The following ENTREP2 variants were observed in gnomAD, a reference collection of about 807,000 sequenced individuals.
ENTREP2 encodes protein ENTREP2.
the ENTREP2 span, among the ~76,000 whole-genome samples, chr15:29,357,128 G>A: frequency 1.3e-5 from 2 of 152,038 alleles, no homozygotes; most frequent in Non-Finnish European, 2.9e-5. Flanking sequence ...AATTGGTCAC[G>A]CATAAAAGAA....
the ENTREP2 span, among the ~76,000 whole-genome samples, chr15:29,448,470 A>G: frequency 2.0e-5 from 3 of 152,232 alleles, no homozygotes; most frequent in Admixed American, 6.5e-5. Context: ...AACCATGCCC[A>G]GGTCATAAAG....
the ENTREP2 span, among the ~76,000 whole-genome samples, chr15:29,154,417 G>T: frequency 0.14 from 21,993 of 151,710 alleles, 2,906 homozygotes; most frequent in African/African-American, 0.35. Context: ...GTGCAATATA[G>T]CCTTCATTGA....
At chr15:29,351,971 G>A in the ENTREP2 span, among the ~76,000 whole-genome samples, 1 of 151,500 alleles carries the variant, frequency 6.6e-6, no homozygotes, top group African/African-American at 2.4e-5. Flanking sequence ...GTCTTGCTAT[G>A]TTGCCCAGGC....
chr15:29,645,229 T>C, the ENTREP2 span, among the ~76,000 whole-genome samples: 1 of 152,140 alleles, frequency 6.6e-6, no homozygotes, highest in Admixed American at 6.5e-5. Context: ...CCAGGGATGA[T>C]GAGACGTGAG....
chr15:29,586,314 G>T, the ENTREP2 span, among the ~76,000 whole-genome samples: 1 of 152,104 alleles, frequency 6.6e-6, no homozygotes. Flanking sequence ...GAAGGAGGAG[G>T]AATGGGAATC....
At chr15:29,143,494 G>T in the ENTREP2 span, among the ~76,000 whole-genome samples, 4 of 152,310 alleles carry the variant, frequency 2.6e-5, no homozygotes, top group South Asian at 8.3e-4. Flanking sequence ...GGAGGTCAGG[G>T]CATGGCTGTC....
chr15:29,304,057 A>AT, the ENTREP2 span, among the ~76,000 whole-genome samples: 2 of 151,960 alleles, frequency 1.3e-5, no homozygotes, highest in Admixed American at 1.3e-4. Context: ...ATTTTTGTGT[A>AT]TTTTTAGTAG....
At chr15:29,136,183 G>A in the ENTREP2 span, among the ~76,000 whole-genome samples, 1 of 152,236 alleles carries the variant, frequency 6.6e-6, no homozygotes, top group Non-Finnish European at 1.5e-5. Context: ...CATCCCACAG[G>A]TTTGCTGAAA....
chr15:29,140,364 G>C, the ENTREP2 span, among the ~76,000 whole-genome samples: 2 of 152,250 alleles, frequency 1.3e-5, no homozygotes, highest in South Asian at 2.1e-4. Flanking sequence ...CCTCCTCCTC[G>C]CAGGAGCTTC....
At chr15:29,483,681 A>G in the ENTREP2 span, among the ~76,000 whole-genome samples, 3 of 152,322 alleles carry the variant, frequency 2.0e-5, no homozygotes, top group African/African-American at 7.2e-5. Context: ...CACTATCCTG[A>G]TTAAGTAAGT....
the ENTREP2 span, among the ~76,000 whole-genome samples, chr15:29,321,804 C>T: frequency 6.6e-6 from 1 of 151,838 alleles, no homozygotes; most frequent in African/African-American, 2.4e-5. Flanking sequence ...AGGGGAACAA[C>T]ACACACTGGG....
the ENTREP2 span, among the ~76,000 whole-genome samples, chr15:29,568,530 TC>T: frequency 4.7e-4 from 69 of 148,146 alleles, no homozygotes; most frequent in South Asian, 2.7e-3. Flanking sequence ...AGACCCCATC[TC>T]TTAAAAAAAA....
chr15:29,616,516 A>G, the ENTREP2 span, among the ~76,000 whole-genome samples: 6 of 152,200 alleles, frequency 3.9e-5, no homozygotes, highest in Non-Finnish European at 5.9e-5. Flanking sequence ...TTTGCTTCAC[A>G]AAATGTTAAC....
chr15:29,391,201 T>C, the ENTREP2 span, among the ~76,000 whole-genome samples: 3 of 151,924 alleles, frequency 2.0e-5, no homozygotes, highest in Non-Finnish European at 4.4e-5. Flanking sequence ...CACTCATTGC[T>C]ACCCCCACCC....
chr15:29,463,114 G>C, the ENTREP2 span, among the ~76,000 whole-genome samples: 1 of 152,120 alleles, frequency 6.6e-6, no homozygotes, highest in Non-Finnish European at 1.5e-5. Flanking sequence ...GTACATGGAG[G>C]GGGAGTGACG....
chr15:29,159,011 A>T, the ENTREP2 span, among the ~76,000 whole-genome samples: 2 of 152,224 alleles, frequency 1.3e-5, no homozygotes, highest in African/African-American at 4.8e-5. Context: ...CCTACACGTT[A>T]AAAACATTAA....
the ENTREP2 span, chr15:29,373,633 T>TTTTA: frequency 1.3e-5 from 2 of 152,086 alleles, no homozygotes; most frequent in Admixed American, 6.5e-5. Context: ...TTTCTTTTAT[T>TTTTA]TTTATTTTTA....
the ENTREP2 span, among the ~76,000 whole-genome samples, chr15:29,174,355 C>T: frequency 6.6e-6 from 1 of 152,142 alleles, no homozygotes; most frequent in African/African-American, 2.4e-5. Context: ...ATTCAGCTGA[C>T]AAGGAAGAGA....
the ENTREP2 span, among the ~76,000 whole-genome samples, chr15:29,340,967 A>G: frequency 6.6e-6 from 1 of 152,152 alleles, no homozygotes; most frequent in African/African-American, 2.4e-5. Flanking sequence ...TATGACTCAA[A>G]TATGCCAGGC....
Sources: gnomAD v4.1 joint callset for allele counts (sites outside exome capture counted in the v4.1 genomes callset) on GRCh38, gnomAD v4.1.1 for gene constraint, MANE v1.5 for transcripts, NCBI Gene and HGNC (gene_info 2026-07-23, HGNC 2026-07-21) for gene names.